Variants in LIN28B observed in about 807,000 individuals in gnomAD.
The protein encoded by LIN28B is lin-28 RNA binding posttranscriptional regulator B.
Under a neutral mutation model 21.9 loss-of-function variants are expected in LIN28B, and 5 were observed. The ratio of observed to expected loss-of-function variants is 0.23; its 90% confidence interval spans 0.12 to 0.48. The LOEUF (loss-of-function observed/expected upper bound fraction) is 0.48. LIN28B is among the 20% of genes least tolerant of loss of function. The pLI, the probability that LIN28B is intolerant of heterozygous loss-of-function variation, is 0.98. For missense variants in LIN28B, 245 were observed against 310.5 expected (o/e 0.79, Z 1.58); for synonymous variants, 109 against 111.3 (o/e 0.98, Z 0.13).
rs1236942679 is a variant in LIN28B, at chr6:104,991,566, A to C, written c.198+33280A>C. Among the ~76,000 whole-genome samples, 6 of 132,026 alleles carry C rather than the reference A, an allele frequency of 4.5e-5. No homozygotes were observed. The East Asian group carries it at 1.4e-3, about 31-fold the overall frequency. 86.6% of individuals were successfully genotyped at this position (132,026 alleles called of 152,430 possible). A position where few individuals can be genotyped will look rare whatever the true frequency, so the allele number is the denominator to read the frequency against. Reference sequence around the variant, plus strand: ...GCAGAGGGCCTCCTCACATCCCAGAAGATGGGCGGCCGGGCAGAGACGCTC... The same window carrying C: ...GCAGAGGGCCTCCTCACATCCCAGACGATGGGCGGCCGGGCAGAGACGCTC... On this transcript the variant is annotated intron_variant, in intron 2 of 3. Coordinates refer to ENST00000345080, the MANE Select transcript of LIN28B (RefSeq NM_001004317.4).
chr6:104,974,131 T>G (rs1770033779), intron 2 of LIN28B, among the ~76,000 whole-genome samples: 2 of 152,138 alleles, frequency 1.3e-5, no homozygotes, highest in African/African-American at 4.8e-5. Context: ...TGTAGAAATG[T>G]TTTAATTGTT....
intron 2 of LIN28B, among the ~76,000 whole-genome samples, chr6:104,961,170 T>C (rs1332654488): frequency 1.3e-5 from 2 of 152,216 alleles, no homozygotes; most frequent in South Asian, 2.1e-4. Context: ...ATTGATATAG[T>C]TCAATAATGA....
chr6:105,031,508 A>G (rs1771422126), intron 3 of LIN28B, among the ~76,000 whole-genome samples: 1 of 151,522 alleles, frequency 6.6e-6, no homozygotes, highest in South Asian at 2.1e-4. Context: ...TTAAATTGTC[A>G]TATAGTAAAA....
chr6:104,967,222 G>C (rs528058827), intron 2 of LIN28B, among the ~76,000 whole-genome samples: 1 of 152,066 alleles, frequency 6.6e-6, no homozygotes, highest in East Asian at 1.9e-4. Flanking sequence ...CTCATGTGCT[G>C]TAAACTCACC....
chr6:104,957,363 A>C (rs1778305838), intron 1 of LIN28B, 103 bp downstream of exon 1: 8 of 486,186 alleles, frequency 1.6e-5, no homozygotes, highest in Non-Finnish European at 2.3e-5. Context: ...TTCCCCTTTT[A>C]CCCCAATACT....
At chr6:104,953,913 T>C (rs1384132645), upstream of LIN28B, among the ~76,000 whole-genome samples, 1 of 152,196 alleles carries the variant, frequency 6.6e-6, no homozygotes, top group Non-Finnish European at 1.5e-5. Context: ...TTCCTTATAA[T>C]TGAAAACAAC....
intron 3 of LIN28B, among the ~76,000 whole-genome samples, chr6:105,049,040 A>G (rs1442408235): frequency 6.6e-6 from 1 of 151,816 alleles, no homozygotes; most frequent in Non-Finnish European, 1.5e-5. Flanking sequence ...GATCTTAGTT[A>G]TTTCTTGCCT....
chr6:105,040,725 A>T (rs569711143), intron 3 of LIN28B, among the ~76,000 whole-genome samples: 1 of 152,164 alleles, frequency 6.6e-6, no homozygotes, highest in South Asian at 2.1e-4. Flanking sequence ...AGTTAAAAAA[A>T]TTGTCCAGAG....
In LIN28B at chr6:105,079,862, A is replaced by G. The variant is rs557070714; in HGVS notation, c.*1079A>G. ...AAACAAACAAGCAGCAAAGAAATGA[A>G]TTAAATACTGGGGTTGAGAATTAAA... On this transcript the variant is annotated 3_prime_UTR_variant, in exon 4 of 4. Coordinates refer to ENST00000345080, the MANE Select transcript of LIN28B (RefSeq NM_001004317.4). 3.3e-5 allele frequency: 5 copies of G among 152,330 alleles called. No individual in the cohort carries two copies. The South Asian group carries it at 1.0e-3, about 32-fold the overall frequency. The allele number at this position is 152,330 out of a possible 1,614,324, so 9.4% of individuals were successfully genotyped here. A position where few individuals can be genotyped will look rare whatever the true frequency, so the allele number is the denominator to read the frequency against.
intron 3 of LIN28B, among the ~76,000 whole-genome samples, chr6:105,067,362 A>C (rs1772239812): frequency 6.6e-6 from 1 of 152,166 alleles, no homozygotes; most frequent in Non-Finnish European, 1.5e-5. Flanking sequence ...AACAGCAAAA[A>C]TGCATGTGGC....
At chr6:105,018,358 A>C (rs904409705) in intron 2 of LIN28B, among the ~76,000 whole-genome samples, 2 of 152,146 alleles carry the variant, frequency 1.3e-5, no homozygotes, top group Non-Finnish European at 1.5e-5. Context: ...TTGGTCTCTC[A>C]CTTCACAATG....
chr6:104,977,856 G>A (rs4945714), intron 2 of LIN28B, among the ~76,000 whole-genome samples: 9,205 of 152,164 alleles, frequency 0.06, 395 homozygotes, highest in Admixed American at 0.1. Context: ...GTGAGCCACC[G>A]CACCCGACCA....
chr6:104,956,113 A>G (rs1778285515), upstream of LIN28B, among the ~76,000 whole-genome samples: 1 of 151,702 alleles, frequency 6.6e-6, no homozygotes, highest in South Asian at 2.1e-4. Flanking sequence ...TTTTTCTCCC[A>G]CTTGTCCTTC....
At chr6:104,991,858 C>G (rs971299558) in intron 2 of LIN28B, among the ~76,000 whole-genome samples, 1 of 152,152 alleles carries the variant, frequency 6.6e-6, no homozygotes, top group African/African-American at 2.4e-5. Flanking sequence ...CAAAAAAATA[C>G]GAAAACAGTC....
intron 2 of LIN28B, among the ~76,000 whole-genome samples, chr6:104,979,172 A>G (rs1172387046): frequency 6.6e-6 from 1 of 151,942 alleles, no homozygotes; most frequent in East Asian, 1.9e-4. Flanking sequence ...ATATTTGGAG[A>G]AAAAGAATAT....
chr6:104,969,500 A>G (rs1769930677), intron 2 of LIN28B, among the ~76,000 whole-genome samples: 1 of 152,210 alleles, frequency 6.6e-6, no homozygotes, highest in Non-Finnish European at 1.5e-5. Flanking sequence ...GGACATGTAT[A>G]AAGCCTGCAG....
chr6:105,005,003 G>C lies in LIN28B; in HGVS notation c.199-21295G>C, dbSNP rs184455849. Among the ~76,000 whole-genome samples, 6 of 152,214 alleles carry C rather than the reference G, an allele frequency of 3.9e-5. No homozygotes were observed. In the East Asian group the frequency reaches 1.2e-3, roughly 29 times the overall value. On this transcript the variant is annotated intron_variant, in intron 2 of 3. Coordinates refer to ENST00000345080, the MANE Select transcript of LIN28B (RefSeq NM_001004317.4). ...GTCTTCATCATATTTATTCTCCCAGGTTTTGATTGAACATATCTTTAAACT... is the reference window on the plus strand; with the variant it reads ...GTCTTCATCATATTTATTCTCCCAGCTTTTGATTGAACATATCTTTAAACT...
chr6:104,959,748 A>G (rs540873349), intron 2 of LIN28B, among the ~76,000 whole-genome samples: 1 of 152,350 alleles, frequency 6.6e-6, no homozygotes, highest in South Asian at 2.1e-4. Context: ...GATGACAAAA[A>G]TCATAGACAA....
intron 2 of LIN28B, among the ~76,000 whole-genome samples, chr6:104,971,199 A>G (rs1352836166): frequency 6.6e-6 from 1 of 152,102 alleles, no homozygotes; most frequent in African/African-American, 2.4e-5. Context: ...TTTCGTGCAA[A>G]TAAGTACTTT....
Sources: gnomAD v4.1 joint callset for allele counts (sites outside exome capture counted in the v4.1 genomes callset) on GRCh38, gnomAD v4.1.1 for gene constraint, MANE v1.5 for transcripts, NCBI Gene and HGNC (gene_info 2026-07-23, HGNC 2026-07-21) for gene names.